ZCCHC24: variants seen among roughly 807,000 people sequenced by gnomAD.
The protein encoded by ZCCHC24 is zinc finger CCHC-type containing 24, also known as zinc finger CCHC domain-containing protein 24.
Under a neutral mutation model 26.2 loss-of-function variants are expected in ZCCHC24, and 10 were observed. That is an observed-to-expected ratio of 0.38 (90% CI 0.24 to 0.65). ZCCHC24 has a LOEUF of 0.65. Ranked by LOEUF, ZCCHC24 falls within the 30% of genes least tolerant of loss-of-function variation. ZCCHC24 has a pLI of 0.54. For missense variants in ZCCHC24, 243 were observed against 329.1 expected (o/e 0.74, Z 2.03); for synonymous variants, 144 against 147.1 (o/e 0.98, Z 0.15).
At chr10:79,398,946 G>C (rs947156399) in intron 2 of ZCCHC24, among the ~76,000 whole-genome samples, 4 of 152,176 alleles carry the variant, frequency 2.6e-5, no homozygotes, top group African/African-American at 4.8e-5. Context: ...GGCTCAGCAG[G>C]CTCTTCCACA....
intron 2 of ZCCHC24, among the ~76,000 whole-genome samples, chr10:79,427,356 T>A (rs1857044457): frequency 6.6e-6 from 1 of 152,168 alleles, no homozygotes; most frequent in East Asian, 1.9e-4. Flanking sequence ...CAGACATCTA[T>A]AAAACACTCC....
At chr10:79,433,576 A>AG (rs1294439057) in intron 1 of ZCCHC24, among the ~76,000 whole-genome samples, 1 of 152,214 alleles carries the variant, frequency 6.6e-6, no homozygotes, top group East Asian at 1.9e-4. Context: ...GGGAGCAGCC[A>AG]GGGGTCCCCC....
At position 79,385,409 on chromosome 10, in the gene ZCCHC24, T is replaced by G. The variant is rs929371112; in HGVS notation, c.*936A>C. 3 of 152,226 alleles carry G rather than the reference T, an allele frequency of 2.0e-5. No homozygotes were observed. The highest frequency in any genetic ancestry group is 7.2e-5 in the African/African-American group (3 of 41,450). The allele number at this position is 152,226 out of a possible 1,614,324, so 9.4% of individuals were successfully genotyped here. Reference sequence around the variant, plus strand: ...TTTAACTAATGGGGAAACTGAGGCCTGGAGATGCGAAGTCCTTGCCCAAGG... The same window carrying G: ...TTTAACTAATGGGGAAACTGAGGCCGGGAGATGCGAAGTCCTTGCCCAAGG... On this transcript the variant is annotated 3_prime_UTR_variant, in exon 4 of 4. Transcript: ENST00000372336. This position sits in a 1 kb window ranked among gnomAD's most constrained non-coding sequence, Gnocchi z 4.3.
chr10:79,392,255 G>A (rs1856489196), intron 3 of ZCCHC24, among the ~76,000 whole-genome samples: 2 of 152,136 alleles, frequency 1.3e-5, no homozygotes, highest in Non-Finnish European at 2.9e-5. Flanking sequence ...CACGGAACTA[G>A]GCTGATGCCT....
At chr10:79,404,797 G>A (rs978932362) in intron 2 of ZCCHC24, among the ~76,000 whole-genome samples, 2 of 152,158 alleles carry the variant, frequency 1.3e-5, no homozygotes, top group African/African-American at 4.8e-5. Context: ...CAAGGCATTC[G>A]GGCCCCTTCC....
chr10:79,393,075 C>T (rs1310656317), intron 3 of ZCCHC24, among the ~76,000 whole-genome samples: 1 of 152,178 alleles, frequency 6.6e-6, no homozygotes, highest in African/African-American at 2.4e-5. Flanking sequence ...ATCTGACCAT[C>T]AAACACTGGG....
At chr10:79,421,029 G>A (rs1360610450) in intron 2 of ZCCHC24, among the ~76,000 whole-genome samples, 5 of 152,264 alleles carry the variant, frequency 3.3e-5, no homozygotes, top group African/African-American at 7.2e-5. Context: ...GGGGTGGAAC[G>A]CAGGCAGGCT....
At chr10:79,407,384 G>T (rs993013841) in intron 2 of ZCCHC24, among the ~76,000 whole-genome samples, 1 of 152,248 alleles carries the variant, frequency 6.6e-6, no homozygotes, top group Admixed American at 6.5e-5. Context: ...GGCTGTGCTC[G>T]TCTTTCTGAT....
At chr10:79,399,209 C>T (rs896086831) in intron 2 of ZCCHC24, among the ~76,000 whole-genome samples, 1 of 152,202 alleles carries the variant, frequency 6.6e-6, no homozygotes, top group African/African-American at 2.4e-5. Context: ...GAGCCATTTC[C>T]TGGAAGGGTT....
chr10:79,416,318 A>G (rs542503475), intron 2 of ZCCHC24, among the ~76,000 whole-genome samples: 4 of 152,120 alleles, frequency 2.6e-5, no homozygotes, highest in African/African-American at 9.6e-5. Context: ...CTTCCTCTAA[A>G]CTCCTCACCT....
intron 2 of ZCCHC24, among the ~76,000 whole-genome samples, chr10:79,429,346 G>A (rs1409043301): frequency 6.6e-6 from 1 of 152,214 alleles, no homozygotes; most frequent in African/African-American, 2.4e-5. Context: ...ACTTTGGGAG[G>A]CTGAGGCAGG....
At chr10:79,389,202 C>A (rs1357583656) in intron 3 of ZCCHC24, among the ~76,000 whole-genome samples, 2 of 152,220 alleles carry the variant, frequency 1.3e-5, no homozygotes, top group Non-Finnish European at 2.9e-5. Context: ...GCTGCACCCA[C>A]CCTGACTGGC....
At chr10:79,409,015 C>G (rs1257724536) in intron 2 of ZCCHC24, 1 of 152,252 alleles carries the variant, frequency 6.6e-6, no homozygotes, top group Non-Finnish European at 1.5e-5. Flanking sequence ...TATATCCAAG[C>G]TCGACAGGCA....
rs1379820044 is a variant in ZCCHC24 at position 79,385,965 on chromosome 10, G to A, written c.*380C>T. 1 of 426,802 alleles carries A rather than the reference G, an allele frequency of 2.3e-6. No homozygotes were observed. The allele number at this position is 426,802 out of a possible 1,614,324, so 26.4% of individuals were successfully genotyped here. ...GCCTGGCTGGTCTGGGGAGGTTTGGGATTCACAGTCAATTTAGTGCACCTG... is the reference window on the plus strand; with the variant it reads ...GCCTGGCTGGTCTGGGGAGGTTTGGAATTCACAGTCAATTTAGTGCACCTG... On this transcript the variant is annotated 3_prime_UTR_variant, in exon 4 of 4. Coordinates refer to ENST00000372336, the MANE Select transcript of ZCCHC24 (RefSeq NM_153367.4). This position sits in a 1 kb window ranked among gnomAD's most constrained non-coding sequence, Gnocchi z 4.3.
chr10:79,399,810 G>A (rs1856607208), intron 2 of ZCCHC24, among the ~76,000 whole-genome samples: 1 of 152,216 alleles, frequency 6.6e-6, no homozygotes, highest in Non-Finnish European at 1.5e-5. Flanking sequence ...AAGAGATGTG[G>A]AGGAGGCTCA....
intron 2 of ZCCHC24, among the ~76,000 whole-genome samples, chr10:79,398,772 G>A (rs1183883639): frequency 6.6e-6 from 1 of 152,178 alleles, no homozygotes; most frequent in African/African-American, 2.4e-5. Flanking sequence ...TGTGTGCTGG[G>A]CTTTATGCTT....
At chr10:79,435,617 G>A (rs374838135) in intron 1 of ZCCHC24, among the ~76,000 whole-genome samples, 63 of 152,308 alleles carry the variant, frequency 4.1e-4, no homozygotes, top group Admixed American at 1.7e-3. Flanking sequence ...AATTCCAGAC[G>A]AACGCTACCT....
intron 2 of ZCCHC24, among the ~76,000 whole-genome samples, chr10:79,398,804 C>T (rs534918563): frequency 2.3e-4 from 35 of 152,276 alleles, no homozygotes; most frequent in African/African-American, 7.9e-4. Flanking sequence ...GCCCGTCAGA[C>T]CCCCAGCCAA....
At position 79,383,627 on chromosome 10, in the gene ZCCHC24, TTTTC is replaced by T. The variant is rs1473731191; in HGVS notation, c.*2714_*2717del. Reference sequence around the variant, plus strand: ...CAAAAATCAAACAATTATATTTTTCTTTTCTTTTTTTTTTTTTAAAAAAAGGCCC... The same window carrying T: ...CAAAAATCAAACAATTATATTTTTCTTTTTTTTTTTTTTAAAAAAAGGCCC... On this transcript the variant is annotated 3_prime_UTR_variant, in exon 4 of 4. Transcript: ENST00000372336. 2 of 126,142 alleles carry T rather than the reference TTTTC, an allele frequency of 1.6e-5. No individual in the cohort carries two copies. The allele number at this position is 126,142 out of a possible 1,614,324, so 7.8% of individuals were successfully genotyped here.
Sources: allele counts gnomAD v4.1 joint callset (sites outside exome capture counted in the v4.1 genomes callset), GRCh38; gene constraint gnomAD v4.1.1; non-coding constraint Gnocchi (gnomAD v3.1); transcripts MANE v1.5; gene names NCBI Gene and HGNC (gene_info 2026-07-23, HGNC 2026-07-21).